FBLN1: variants seen among roughly 807,000 people sequenced by gnomAD.
FBLN1 encodes the protein fibulin-1.
In FBLN1, 34 loss-of-function variants were observed where a neutral mutation model predicts 89.7. That is an observed-to-expected ratio of 0.38 (90% CI 0.29 to 0.50). FBLN1 has a LOEUF of 0.50. FBLN1 is among the 20% of genes least tolerant of loss of function. The pLI, the probability that FBLN1 is intolerant of heterozygous loss-of-function variation, is 0.92. For missense variants in FBLN1, 777 were observed against 988.1 expected, an observed-to-expected ratio of 0.79 and a Z score of 2.86; for synonymous variants, 393 against 391.3, an observed-to-expected ratio of 1.00 and a Z score of -0.05.
intron 4 of FBLN1, among the ~76,000 whole-genome samples, chr22:45,528,847 C>A (rs190628118): frequency 6.6e-6 from 1 of 152,176 alleles, no homozygotes. Context: ...ATCTGAAAGC[C>A]GCTGTCCTGG....
rs1356246545 is a variant in FBLN1 at position 45,588,989 on chromosome 22, C to G, written c.1973-11318C>G. Among the ~76,000 whole-genome samples, 1 of 151,204 alleles carries G rather than the reference C, an allele frequency of 6.6e-6. No homozygotes were observed. Among genetic ancestry groups the G allele is most frequent in the Non-Finnish European group, 1.5e-5 (1 of 67,894 alleles). ...ATTCCATCTGTGGCCAAGGCTATCA[C>G]AGTCCTCAAATTAACAGCAAACCCC... On this transcript the variant is annotated intron_variant, in intron 16 of 16. Transcript: ENST00000327858. The surrounding 1 kb of genome is among the most constrained non-coding windows in gnomAD (Gnocchi z 5.1).
In FBLN1 at chr22:45,577,256, C is replaced by A; in HGVS notation, c.1972+148C>A. 1 of 908,228 alleles carries A rather than the reference C, an allele frequency of 1.1e-6. No individual in the cohort carries two copies. The highest frequency in any genetic ancestry group is 1.7e-6 in the Non-Finnish European group (1 of 575,212). The allele number at this position is 908,228 out of a possible 1,614,324, so 56.3% of individuals were successfully genotyped here. A position where few individuals can be genotyped will look rare whatever the true frequency, so the allele number is the denominator to read the frequency against. On this transcript the variant is annotated intron_variant, in intron 16 of 16. Coordinates refer to ENST00000327858, the MANE Select transcript of FBLN1 (RefSeq NM_006486.3). The surrounding 1 kb of genome is among the most constrained non-coding windows in gnomAD (Gnocchi z 6.6). Reference sequence around the variant, plus strand: ...GGGCCCAGCGCCGAGGCCACCACAGCTCCCAATCGGTCTCGGCCGGAGGAA... The same window carrying A: ...GGGCCCAGCGCCGAGGCCACCACAGATCCCAATCGGTCTCGGCCGGAGGAA...
At chr22:45,508,566 C>T (rs1427269565) in intron 1 of FBLN1, among the ~76,000 whole-genome samples, 1 of 152,184 alleles carries the variant, frequency 6.6e-6, no homozygotes, top group African/African-American at 2.4e-5. Context: ...CAGCCAGCCT[C>T]ACGCACCTTT....
At chr22:45,517,136 A>C (rs2088180424) in intron 1 of FBLN1, among the ~76,000 whole-genome samples, 1 of 152,214 alleles carries the variant, frequency 6.6e-6, no homozygotes, top group Non-Finnish European at 1.5e-5. Context: ...CCAGCCTGGA[A>C]GAAGAATGTA....
Position 45,542,287 on chromosome 22 carries a change from C to T in FBLN1, c.1195+4C>T, listed in dbSNP as rs753490365. On this transcript the variant is annotated splice_donor_region_variant and intron_variant, in intron 10 of 16. Coordinates refer to ENST00000327858, the MANE Select transcript of FBLN1 (RefSeq NM_006486.3). ...GGCATCAGCAGGATGTGTGTCGGTG[C>T]GTGGGGGGCCCCGCAGGCCTCGGGG... 10 of 1,613,526 alleles carry T rather than the reference C, an allele frequency of 6.2e-6. No homozygotes were observed. Among genetic ancestry groups the T allele is most frequent in the East Asian group, 2.2e-5 (1 of 44,882 alleles).
At chr22:45,506,475 C>T (rs1466337153) in intron 1 of FBLN1, among the ~76,000 whole-genome samples, 1 of 152,206 alleles carries the variant, frequency 6.6e-6, no homozygotes, top group Non-Finnish European at 1.5e-5. Flanking sequence ...TTTTCCCCCT[C>T]ATGCAACTAG....
chr22:45,533,286 GC>G, intron 6 of FBLN1, 122 bp downstream of exon 6: 1 of 892,334 alleles, frequency 1.1e-6, no homozygotes, highest in Non-Finnish European at 1.8e-6. Flanking sequence ...GTGGAGAGCA[GC>G]CCAGGACGCG....
At chr22:45,509,001 G>A (rs1163965331) in intron 1 of FBLN1, among the ~76,000 whole-genome samples, 4 of 152,200 alleles carry the variant, frequency 2.6e-5, no homozygotes, top group Non-Finnish European at 5.9e-5. Context: ...TGCATTGGCG[G>A]TAGTTAGGGA....
chr22:45,527,711 TC>T (rs2088347847), intron 3 of FBLN1, 135 bp from the exon 4 acceptor site: 3 of 839,686 alleles, frequency 3.6e-6, no homozygotes, highest in Non-Finnish European at 5.9e-6. Flanking sequence ...AGAAGTGGTA[TC>T]TAAGCCAGAC....
chr22:45,542,400 G>C (rs2088569447), intron 10 of FBLN1, 117 bp downstream of exon 10: 1 of 1,382,610 alleles, frequency 7.2e-7, no homozygotes, highest in East Asian at 2.3e-5. Context: ...CCCAAGTGCA[G>C]GCAGACCCTG....
Position 45,577,200 on chromosome 22 carries a change from C to T in FBLN1, c.1972+92C>T. On this transcript the variant is annotated intron_variant, in intron 16 of 16. Transcript: ENST00000327858. The surrounding 1 kb of genome is among the most constrained non-coding windows in gnomAD (Gnocchi z 6.6). ...CCCAGCCCAACTCCCATCTGAGTCC[C>T]CTCCCCAAATTCAAGCCCACCCAAC... The T allele has an allele frequency of 1.4e-6, 2 of 1,453,618 alleles. No individual in the cohort carries two copies. The highest frequency in any genetic ancestry group is 2.3e-5 in the East Asian group (1 of 43,038). The allele number at this position is 1,453,618 out of a possible 1,614,324, so 90.0% of individuals were successfully genotyped here.
rs1018107380 is a variant in FBLN1 at position 45,576,051 on chromosome 22, G to A, written c.1841-926G>A. On this transcript the variant is annotated intron_variant, in intron 15 of 16. Transcript: ENST00000327858. This position sits in a 1 kb window ranked among gnomAD's most constrained non-coding sequence, Gnocchi z 5.2. ...ACACAACCATGCGGGGGGGTGGGGGGAGGAGAGGCTCCCTCAGCACGTGGT... is the reference window on the plus strand; with the variant it reads ...ACACAACCATGCGGGGGGGTGGGGGAAGGAGAGGCTCCCTCAGCACGTGGT... Among the ~76,000 whole-genome samples, 1 of 152,158 alleles carries A rather than the reference G, an allele frequency of 6.6e-6. No homozygotes were observed. The highest frequency in any genetic ancestry group is 6.5e-5 in the Admixed American group (1 of 15,280).
intron 3 of FBLN1, among the ~76,000 whole-genome samples, chr22:45,526,550 G>A (rs939644646): frequency 9.1e-5 from 3 of 32,838 alleles, no homozygotes; most frequent in African/African-American, 1.4e-4. Context: ...GAAGCTTCCC[G>A]TTCCTTTTAG....
At chr22:45,504,457 C>T (rs998244237) in intron 1 of FBLN1, among the ~76,000 whole-genome samples, 30 of 151,002 alleles carry the variant, frequency 2.0e-4, no homozygotes, top group Non-Finnish European at 3.4e-4. Context: ...AAGGGGAGCG[C>T]GGGAAGAGGG....
chr22:45,565,663 G>C (rs774924083), intron 14 of FBLN1: 18 of 191,700 alleles, frequency 9.4e-5, no homozygotes, highest in Non-Finnish European at 1.6e-4. Context: ...CTTGAAGAAG[G>C]AGCTCAGTAA....
rs534612921 is a variant in FBLN1 at position 45,570,185 on chromosome 22, T to C, written c.1698-4326T>C. ...AAATACAAAAATTAGCCAGGCATGG[T>C]GGCAGGTGCCTGTAATCCCAGCTAC... On this transcript the variant is annotated intron_variant, in intron 14 of 16. Coordinates refer to ENST00000327858, the MANE Select transcript of FBLN1 (RefSeq NM_006486.3). Among the ~76,000 whole-genome samples the C allele has an allele frequency of 5.3e-3, 793 of 150,902 alleles. 3 individuals are homozygous for C. Among genetic ancestry groups the C allele is most frequent in the Non-Finnish European group, 7.1e-3 (482 of 67,682 alleles).
chr22:45,518,413 A>G (rs1190023742), intron 1 of FBLN1, among the ~76,000 whole-genome samples: 1 of 152,068 alleles, frequency 6.6e-6, no homozygotes, highest in Non-Finnish European at 1.5e-5. Flanking sequence ...GTGTGCTTGG[A>G]TCTCAGGGGC....
intron 16 of FBLN1, among the ~76,000 whole-genome samples, chr22:45,587,127 C>T (rs189092021): frequency 2.0e-5 from 3 of 152,208 alleles, no homozygotes; most frequent in Non-Finnish European, 2.9e-5. Context: ...CATGTACGTG[C>T]GCATCATGGC....
chr22:45,563,376 T>C lies in FBLN1; in HGVS notation c.1698-11135T>C. ...CCCACACAGTGAGCCTCGCGTGCCT[T>C]GGTTTTATTTGGCATGGTTGGGAGT... is the stretch of plus-strand genomic sequence containing the variant. On this transcript the variant is annotated intron_variant, in intron 14 of 16. Transcript: ENST00000327858. This position sits in a 1 kb window ranked among gnomAD's most constrained non-coding sequence, Gnocchi z 5.7. The C allele has an allele frequency of 6.5e-7, 1 of 1,548,640 alleles. No individual in the cohort carries two copies. Among genetic ancestry groups the C allele is most frequent in the South Asian group, 1.2e-5 (1 of 85,230 alleles).
Sources: allele counts gnomAD v4.1 joint callset (sites outside exome capture counted in the v4.1 genomes callset), GRCh38; gene constraint gnomAD v4.1.1; non-coding constraint Gnocchi (gnomAD v3.1); transcripts MANE v1.5; gene names NCBI Gene and HGNC (gene_info 2026-07-23, HGNC 2026-07-21).